The following RNF128 variants were observed in gnomAD, a reference collection of about 807,000 sequenced individuals.
RNF128 encodes the protein E3 ubiquitin-protein ligase RNF128.
In RNF128, 13 loss-of-function variants were observed where a neutral mutation model predicts 26.2. The observed-to-expected ratio is 0.50, with a 90% CI of 0.32 to 0.79. The LOEUF is 0.79. Ranked by LOEUF, RNF128 falls within the 30% of genes least tolerant of loss-of-function variation. The pLI is 0.03. For missense variants in RNF128, 315 were observed against 349.7 expected (o/e 0.90, Z 0.79); for synonymous variants, 149 against 142.5 (o/e 1.05, Z -0.32).
At chrX:106,788,814 TATA>T (rs1930742811) in intron 4 of RNF128, among the ~76,000 whole-genome samples, 1 of 74,058 alleles carries the variant, frequency 1.4e-5, no homozygotes, top group Admixed American at 2.2e-4. Flanking sequence ...CTGTATATAC[TATA>T]ATATATAATT....
At chrX:106,732,667 G>C (rs1249794991) in intron 1 of RNF128, among the ~76,000 whole-genome samples, 1 of 111,909 alleles carries the variant, frequency 8.9e-6, no homozygotes, top group Non-Finnish European at 1.9e-5. Flanking sequence ...TACAGGAATA[G>C]AGTGTACACA....
chrX:106,784,984 T>C, intron 2 of RNF128, 81 bp from the exon 3 acceptor site: 2 of 682,466 alleles, frequency 2.9e-6, no homozygotes, highest in Non-Finnish European at 2.2e-6. Flanking sequence ...CTGATAAATA[T>C]TTATTGATCC....
At chrX:106,725,456 T>A (rs1460319337), upstream of RNF128, among the ~76,000 whole-genome samples, 2 of 111,555 alleles carry the variant, frequency 1.8e-5, no homozygotes, top group Non-Finnish European at 3.8e-5. Context: ...TTGAGGGGAG[T>A]AATTGATCAG....
intron 1 of RNF128, among the ~76,000 whole-genome samples, chrX:106,751,262 CTG>C (rs1929879384): frequency 9.0e-6 from 1 of 111,234 alleles, no homozygotes; most frequent in South Asian, 3.9e-4. Flanking sequence ...GAGAGAAAAT[CTG>C]TGTGTTTAGG....
Position 106,765,125 on chromosome X carries a change from T to G in RNF128, c.485-7788T>G, listed in dbSNP as rs1224831449. On this transcript the variant is annotated intron_variant, in intron 1 of 6. Coordinates refer to ENST00000255499, the MANE Select transcript of RNF128 (RefSeq NM_194463.2). ...ATGAGAACAAGGTGAGTCATTAATC[T>G]CTATCAAACTGAATGATCACACATG... 6.2e-5 allele frequency among the ~76,000 whole-genome samples: 7 copies of G among 112,077 alleles called. No homozygotes were observed. The East Asian group carries it at 2.0e-3, about 31-fold the overall frequency.
chrX:106,703,542 T>C, intron 1 of RNF128, among the ~76,000 whole-genome samples: 1 of 111,328 alleles, frequency 9.0e-6, no homozygotes, highest in East Asian at 2.8e-4. Context: ...CAGTACACAA[T>C]ACTACCTCTC....
chrX:106,763,642 G>A (rs370743721), intron 1 of RNF128, among the ~76,000 whole-genome samples: 1 of 111,258 alleles, frequency 9.0e-6, no homozygotes, highest in Non-Finnish European at 1.9e-5. Flanking sequence ...GAGTAGCTGG[G>A]ACTACAGGCG....
chrX:106,760,194 A>G (rs1377893758), intron 1 of RNF128, among the ~76,000 whole-genome samples: 1 of 111,966 alleles, frequency 8.9e-6, no homozygotes, highest in Non-Finnish European at 1.9e-5. Flanking sequence ...TTTGTTACCT[A>G]TAAATTTTAC....
intron 1 of RNF128, among the ~76,000 whole-genome samples, chrX:106,764,890 A>G (rs752640592): frequency 8.9e-6 from 1 of 112,106 alleles, no homozygotes; most frequent in African/African-American, 3.2e-5. Flanking sequence ...CTTAGAGAAA[A>G]GACAAATAAT....
chrX:106,701,913 T>C (rs1371431844), intron 1 of RNF128, among the ~76,000 whole-genome samples: 1 of 111,640 alleles, frequency 9.0e-6, no homozygotes, highest in Admixed American at 9.5e-5. Context: ...GACACAGTTA[T>C]TTAAAAAATT....
At chrX:106,788,864 A>G (rs1334649653) in intron 4 of RNF128, among the ~76,000 whole-genome samples, 3 of 73,230 alleles carry the variant, frequency 4.1e-5, no homozygotes, top group African/African-American at 1.7e-4. Flanking sequence ...TATATTATAT[A>G]TTATATAATG....
chrX:106,726,647 C>A (rs1211655845), upstream of RNF128: 4 of 970,626 alleles, frequency 4.1e-6, no homozygotes, highest in South Asian at 6.5e-5. Context: ...ACCTCTACCC[C>A]CAGTCGGCTG....
chrX:106,771,482 G>A (rs1317461931), intron 1 of RNF128, among the ~76,000 whole-genome samples: 1 of 112,836 alleles, frequency 8.9e-6, no homozygotes, highest in Non-Finnish European at 1.9e-5. Flanking sequence ...CCCCACTGCT[G>A]CCTTGCAGTT....
In RNF128 at chrX:106,696,195, T is replaced by C. The variant is rs139921518; in HGVS notation, c.406+1787T>C. Among the ~76,000 whole-genome samples, 565 of 111,946 alleles carry C rather than the reference T, an allele frequency of 5.0e-3. 7 individuals are homozygous for C. Among genetic ancestry groups the C allele is most frequent in the African/African-American group, 0.017 (534 of 30,850 alleles). On this transcript the variant is annotated intron_variant, in intron 1 of 6. Transcript: ENST00000324342. The stretch of plus-strand genomic sequence containing the variant: ...ATGATCATAACTGTGATAGTTAACA[T>C]TTACTGGCATTTACTATATTTCAGG...
At chrX:106,709,276 G>A (rs1044919148) in intron 1 of RNF128, among the ~76,000 whole-genome samples, 1 of 111,349 alleles carries the variant, frequency 9.0e-6, no homozygotes, top group Admixed American at 9.6e-5. Context: ...TGTGGATATT[G>A]TTCAAATTAT....
At chrX:106,761,415 A>G (rs971133085) in intron 1 of RNF128, among the ~76,000 whole-genome samples, 13 of 111,918 alleles carry the variant, frequency 1.2e-4, no homozygotes, top group African/African-American at 4.2e-4. Flanking sequence ...TGACACAGCA[A>G]TCCCATTATT....
intron 2 of RNF128, among the ~76,000 whole-genome samples, chrX:106,778,857 A>G (rs1434858170): frequency 2.7e-5 from 3 of 112,186 alleles, no homozygotes; most frequent in East Asian, 5.6e-4. Context: ...AAAATTATCT[A>G]AACTATTTCT....
At chrX:106,729,394 G>A (rs1253829004) in intron 1 of RNF128, among the ~76,000 whole-genome samples, 1 of 110,596 alleles carries the variant, frequency 9.0e-6, no homozygotes, top group African/African-American at 3.3e-5. Context: ...TTATGTTGCT[G>A]TGATTATTAA....
At chrX:106,730,747 A>G (rs761785575) in intron 1 of RNF128, among the ~76,000 whole-genome samples, 2 of 111,281 alleles carry the variant, frequency 1.8e-5, no homozygotes, top group Non-Finnish European at 3.8e-5. Context: ...TTCATGAAAC[A>G]TTTACAACGT....
Sources: allele counts gnomAD v4.1 joint callset (sites outside exome capture counted in the v4.1 genomes callset), GRCh38; gene constraint gnomAD v4.1.1; transcripts MANE v1.5; gene names NCBI Gene and HGNC (gene_info 2026-07-23, HGNC 2026-07-21).